OR52N4: variants seen among roughly 807,000 people sequenced by gnomAD.
OR52N4 encodes the protein olfactory receptor family 52 subfamily N member 4, also known as olfactory receptor 52N4.
In OR52N4, 15 loss-of-function variants were observed where a neutral mutation model predicts 15.0. The ratio of observed to expected loss-of-function variants is 1.00; its 90% CI spans 0.67 to 1.54. OR52N4 has a LOEUF of 1.54. Among genes scored for constraint, OR52N4 ranks in the 40% most tolerant of loss-of-function variants. The probability of loss-of-function intolerance (pLI) is 0.00; values close to 1 mark genes in which losing one functional copy is unlikely to be tolerated. For synonymous variants in OR52N4, 143 were observed against 143.7 expected (o/e 1.00, Z 0.03); for missense variants, 421 against 394.0 (o/e 1.07, Z -0.58).
chr11:5,733,631 C>A, the OR52N4 span, among the ~76,000 whole-genome samples: 5 of 152,014 alleles, frequency 3.3e-5, no homozygotes, highest in African/African-American at 4.8e-5. Context: ...TGTTATTATT[C>A]TCTCCCCCCA....
At chr11:5,729,400 G>A in the OR52N4 span, among the ~76,000 whole-genome samples, 4 of 152,144 alleles carry the variant, frequency 2.6e-5, no homozygotes, top group South Asian at 2.1e-4. Context: ...GATTACAGGC[G>A]TGAGCCACCG....
At chr11:5,736,514 AT>A in the OR52N4 span, 1 of 1,612,952 alleles carries the variant, frequency 6.2e-7, no homozygotes. Flanking sequence ...TTCATGTTGA[AT>A]CATGAATCAT....
At chr11:5,751,004 T>A (rs890209258), upstream of OR52N4, among the ~76,000 whole-genome samples, 8 of 151,958 alleles carry the variant, frequency 5.3e-5, no homozygotes, top group African/African-American at 1.7e-4. Flanking sequence ...TAAGTGCTTT[T>A]CGTTATTTGT....
Position 5,755,940 on chromosome 11 carries a change from C to G in OR52N4, c.*234C>G. The G allele has an allele frequency of 2.0e-6, 1 of 488,928 alleles. No individual in the cohort carries two copies. The highest frequency in any genetic ancestry group is 3.4e-5 in the East Asian group (1 of 29,484). The allele number at this position is 488,928 out of a possible 1,614,324, so 30.3% of individuals were successfully genotyped here. A position where few individuals can be genotyped will look rare whatever the true frequency, so the allele number is the denominator to read the frequency against. ...TGAAGGACCAGTCTAATAATTAAACCATATTTTATTCGACAAAACCTAATG... is the reference window on the plus strand; with the variant it reads ...TGAAGGACCAGTCTAATAATTAAACGATATTTTATTCGACAAAACCTAATG... On this transcript the variant is annotated 3_prime_UTR_variant, in exon 2 of 2. Coordinates refer to ENST00000641350, the MANE Select transcript of OR52N4 (RefSeq NM_001005175.5).
At chr11:5,731,262 G>A in the OR52N4 span, among the ~76,000 whole-genome samples, 2 of 152,286 alleles carry the variant, frequency 1.3e-5, no homozygotes, top group African/African-American at 4.8e-5. Flanking sequence ...GCTCTAAGTT[G>A]CTGAGGGTCG....
At chr11:5,748,220 C>A in the OR52N4 span, among the ~76,000 whole-genome samples, 1 of 151,790 alleles carries the variant, frequency 6.6e-6, no homozygotes, top group Non-Finnish European at 1.5e-5. Context: ...ATAGTTAATG[C>A]ATAGCAATAC....
chr11:5,741,841 G>C, the OR52N4 span, among the ~76,000 whole-genome samples: 3 of 152,114 alleles, frequency 2.0e-5, no homozygotes, highest in African/African-American at 7.2e-5. Flanking sequence ...TCACCTGTAG[G>C]GAGTTATGGA....
At position 5,755,088 on chromosome 11, in the gene OR52N4, G is replaced by C. The variant is rs778613209; in HGVS notation, c.348G>C (p.Val116=). 59 of 1,613,894 alleles carry C rather than the reference G, an allele frequency of 3.7e-5. No homozygotes were observed. Among genetic ancestry groups the C allele is most frequent in the Non-Finnish European group, 4.6e-5 (54 of 1,179,970 alleles). ...THTFTGMESG[V]LMLMALDRYV... is the part of the protein sequence containing the mutation. ...CCTTCACAGGGATGGAGTCTGGGGT[G>C]CTTATGCTTATGGCCCTGGATCGCT... The change falls in exon 2 of 2, where the codon GTG becomes GTC. Residue 116 remains valine (V), a synonymous_variant. Transcript: ENST00000641350.
the OR52N4 span, chr11:5,736,267 G>A: frequency 8.4e-6 from 4 of 478,398 alleles, no homozygotes; most frequent in South Asian, 2.6e-5. Context: ...TTGAAATGAT[G>A]TAGCTATAAA....
chr11:5,754,594 T>C, intron 1 of OR52N4, 99 bp from the exon 2 acceptor site: 1 of 761,700 alleles, frequency 1.3e-6, no homozygotes, highest in Non-Finnish European at 2.0e-6. Flanking sequence ...AATTTGGTTG[T>C]TGGACCATTA....
the OR52N4 span, chr11:5,738,170 C>T: frequency 2.6e-5 from 4 of 152,226 alleles, no homozygotes; most frequent in Non-Finnish European, 5.9e-5. Flanking sequence ...ATTGTAAGCC[C>T]AAACTCCTTT....
the OR52N4 span, among the ~76,000 whole-genome samples, chr11:5,733,721 AAC>A: frequency 6.6e-6 from 1 of 152,186 alleles, no homozygotes; most frequent in Non-Finnish European, 1.5e-5. Context: ...ATGTTTTTCA[AAC>A]ACAGACAGAA....
At chr11:5,749,792 C>T (rs1190138679), upstream of OR52N4, among the ~76,000 whole-genome samples, 3 of 151,828 alleles carry the variant, frequency 2.0e-5, no homozygotes, top group Non-Finnish European at 4.4e-5. Context: ...TATTGGCCTA[C>T]AGAGTTTAAG....
rs1446755748 is a variant in OR52N4, at chr11:5,755,890, T to C, written c.*184T>C. 4 of 685,254 alleles carry C rather than the reference T, an allele frequency of 5.8e-6. No individual in the cohort carries two copies. Among genetic ancestry groups the C allele is most frequent in the Non-Finnish European group, 9.4e-6 (4 of 426,030 alleles). 42.4% of individuals were successfully genotyped at this position (685,254 alleles called of 1,614,324 possible). A position where few individuals can be genotyped will look rare whatever the true frequency, so the allele number is the denominator to read the frequency against. ...ATTGGAAGGCCCACCAACATTTCTA[T>C]AAATTTTTTACCTTCTCACTCATGT... On this transcript the variant is annotated 3_prime_UTR_variant, in exon 2 of 2. Coordinates refer to ENST00000641350, the MANE Select transcript of OR52N4 (RefSeq NM_001005175.5).
Position 5,754,801 on chromosome 11 carries a change from G to C in OR52N4, c.61G>C (p.Gly21Arg). Residue 21 changes from glycine to arginine, a missense_variant, in exon 2 of 2, where the codon GGA becomes CGA. By Grantham distance (125) the Gly-to-Arg change is moderately radical. Coordinates refer to ENST00000641350, the MANE Select transcript of OR52N4 (RefSeq NM_001005175.5). ...PASFILNGVP[G>R]LEDTQLWISF... ...TTCATTTATTCTGAATGGAGTCCCA[G>C]GACTGGAAGACACACAACTCTGGAT... is the stretch of plus-strand genomic sequence containing the variant. 1 of 1,613,538 alleles carries C rather than the reference G, an allele frequency of 6.2e-7. No individual in the cohort carries two copies. Among genetic ancestry groups the C allele is most frequent in the African/African-American group, 1.3e-5 (1 of 74,968 alleles).
Position 5,755,486 on chromosome 11 carries a change from C to T in OR52N4, c.746C>T (p.Ala249Val), listed in dbSNP as rs983574966. ...AFNTCTAHIC[A>V]IVFSYTPAFF... ...AATACCTGCACTGCCCACATTTGTG[C>T]CATTGTTTTCTCCTATACTCCAGCT... Residue 249 changes from alanine (A) to valine (V), a missense_variant, in exon 2 of 2, where the codon GCC (alanine) becomes GTC (valine). Ala to Val is a moderately conservative substitution (Grantham distance 64). Coordinates refer to ENST00000641350, the MANE Select transcript of OR52N4 (RefSeq NM_001005175.5). The T allele has an allele frequency of 2.5e-6, 4 of 1,613,856 alleles. No homozygotes were observed. In the African/African-American group the frequency reaches 5.3e-5, roughly 22 times the overall value.
At chr11:5,729,114 A>ATATTCTTTTTTT in the OR52N4 span, among the ~76,000 whole-genome samples, 5 of 82,914 alleles carry the variant, frequency 6.0e-5, no homozygotes, top group South Asian at 4.8e-4. Context: ...TTAAATTGAG[A>ATATTCTTTTTTT]TTTTTTTTTT....
At chr11:5,737,325 C>T in the OR52N4 span, 5 of 1,614,036 alleles carry the variant, frequency 3.1e-6, no homozygotes, top group South Asian at 1.1e-5. Flanking sequence ...ATTTCAGTGA[C>T]TCATCTGACA....
chr11:5,736,222 G>A, the OR52N4 span: 1 of 325,070 alleles, frequency 3.1e-6, no homozygotes. Flanking sequence ...AATTTTGAAA[G>A]GCTATGTAAG....
Sources: gnomAD v4.1 joint callset for allele counts (sites outside exome capture counted in the v4.1 genomes callset) on GRCh38, gnomAD v4.1.1 for gene constraint, MANE v1.5 for transcripts, NCBI Gene and HGNC (gene_info 2026-07-23, HGNC 2026-07-21) for gene names.